Variants in CAB39 observed in about 807,000 individuals in gnomAD.
The protein encoded by CAB39 is calcium-binding protein 39.
In CAB39, 8 loss-of-function variants were observed where a neutral mutation model predicts 40.0. The observed-to-expected ratio is 0.20, with a 90% CI of 0.12 to 0.36. The LOEUF is 0.36. Ranked by LOEUF, CAB39 falls within the 10% of genes least tolerant of loss-of-function variation. The pLI is 1.00. For missense variants in CAB39, 270 were observed against 401.1 expected (o/e 0.67, Z 2.79); for synonymous variants, 156 against 141.6 (o/e 1.10, Z -0.72).
chr2:230,807,484 C>T (rs776106386), intron 5 of CAB39, among the ~76,000 whole-genome samples: 1 of 136,754 alleles, frequency 7.3e-6, no homozygotes, highest in Non-Finnish European at 1.5e-5. Context: ...CGTACTGGGT[C>T]CACCTGCTCC....
intron 1 of CAB39, chr2:230,752,192 A>G (rs1695100957): frequency 6.6e-6 from 1 of 151,884 alleles, no homozygotes; most frequent in African/African-American, 2.4e-5. Context: ...CAGAGAAGAT[A>G]AGCATGGCCC....
intron 5 of CAB39, among the ~76,000 whole-genome samples, chr2:230,804,046 C>T (rs1404992218): frequency 6.6e-6 from 1 of 152,182 alleles, no homozygotes; most frequent in Non-Finnish European, 1.5e-5. Flanking sequence ...GGTACCAAAA[C>T]AGAGATATAG....
chr2:230,789,074 T>C (rs1695846954), intron 2 of CAB39, among the ~76,000 whole-genome samples: 1 of 152,294 alleles, frequency 6.6e-6, no homozygotes, highest in Non-Finnish European at 1.5e-5. Context: ...TGTCCCTTTT[T>C]CCCCCCTAAG....
intron 1 of CAB39, among the ~76,000 whole-genome samples, chr2:230,732,451 T>G (rs935068778): frequency 2.6e-5 from 4 of 152,154 alleles, no homozygotes; most frequent in African/African-American, 7.2e-5. Context: ...TTACTTGGGT[T>G]TTAGGAAACA....
At chr2:230,744,790 A>G (rs1271921291) in intron 1 of CAB39, among the ~76,000 whole-genome samples, 1 of 152,254 alleles carries the variant, frequency 6.6e-6, no homozygotes, top group African/African-American at 2.4e-5. Context: ...CAATAGTAGT[A>G]TGAGTCTCTC....
At chr2:230,753,260 A>T (rs1464401171) in intron 1 of CAB39, among the ~76,000 whole-genome samples, 1 of 152,142 alleles carries the variant, frequency 6.6e-6, no homozygotes, top group Non-Finnish European at 1.5e-5. Context: ...ATTTTATATG[A>T]AAGTAATATG....
intron 2 of CAB39, among the ~76,000 whole-genome samples, chr2:230,773,314 A>ATATGTG (rs371297550): frequency 0.022 from 2,945 of 132,580 alleles, 47 homozygotes; most frequent in East Asian, 0.082. Flanking sequence ...ATATATATAT[A>ATATGTG]TGTGTGTGTG....
intron 5 of CAB39, among the ~76,000 whole-genome samples, chr2:230,808,565 C>A (rs534306438): frequency 6.6e-6 from 1 of 152,210 alleles, no homozygotes; most frequent in Non-Finnish European, 1.5e-5. Context: ...TTACCACTTT[C>A]TTCTTCTCCT....
intron 1 of CAB39, chr2:230,725,298 C>G (rs1694544025): frequency 6.4e-7 from 1 of 1,573,374 alleles, no homozygotes; most frequent in Non-Finnish European, 8.7e-7. Context: ...AAGCCCCTTT[C>G]CTCCAGCTTC....
chr2:230,795,863 A>G (rs983215121), intron 4 of CAB39, among the ~76,000 whole-genome samples: 1 of 152,120 alleles, frequency 6.6e-6, no homozygotes, highest in African/African-American at 2.4e-5. Flanking sequence ...TAGTATAATC[A>G]GTTGATGACC....
intron 2 of CAB39, among the ~76,000 whole-genome samples, chr2:230,789,095 G>C (rs1695847706): frequency 6.6e-6 from 1 of 152,048 alleles, no homozygotes; most frequent in Admixed American, 6.6e-5. Context: ...TTTCATTTTA[G>C]ATAGTTTTTA....
intron 1 of CAB39, among the ~76,000 whole-genome samples, chr2:230,714,377 T>G (rs919466559): frequency 7.2e-5 from 11 of 152,202 alleles, no homozygotes; most frequent in African/African-American, 2.2e-4. Flanking sequence ...TTTTGACAGC[T>G]TCCCAGATAA....
At chr2:230,760,969 C>T (rs957715153) in intron 2 of CAB39, among the ~76,000 whole-genome samples, 4 of 151,390 alleles carry the variant, frequency 2.6e-5, no homozygotes, top group African/African-American at 9.7e-5. Context: ...ACAGGATCTT[C>T]GTGATCTGAT....
At chr2:230,790,831 T>C (rs1488220118) in intron 2 of CAB39, 41 bp from the exon 3 acceptor site, 2 of 1,528,660 alleles carry the variant, frequency 1.3e-6, no homozygotes, top group Admixed American at 2.0e-5. Flanking sequence ...TTAAAATGAA[T>C]TGTTTTTTCT....
chr2:230,725,357 C>G lies in CAB39; in HGVS notation c.-44+12127C>G. 2.5e-6 allele frequency: 4 copies of G among 1,595,666 alleles called. No homozygotes were observed. In the South Asian group the frequency reaches 3.3e-5, roughly 13 times the overall value. On this transcript the variant is annotated intron_variant, in intron 1 of 8. Coordinates refer to ENST00000258418, the MANE Select transcript of CAB39 (RefSeq NM_016289.4). Reference sequence around the variant, plus strand: ...AGCCAGGCTCCCCACTGGCTTCTCCCCCATGGGCTCTGCCACGAAGTCTCG... The same window carrying G: ...AGCCAGGCTCCCCACTGGCTTCTCCGCCATGGGCTCTGCCACGAAGTCTCG...
At chr2:230,761,377 T>G (rs1695287757) in intron 2 of CAB39, among the ~76,000 whole-genome samples, 1 of 152,150 alleles carries the variant, frequency 6.6e-6, no homozygotes, top group Non-Finnish European at 1.5e-5. Context: ...TGTAAGTACT[T>G]AACTGTAAAA....
Position 230,793,317 on chromosome 2 carries a change from C to T in CAB39, c.384C>T (p.Phe128=). The T allele has an allele frequency of 6.4e-7, 1 of 1,566,748 alleles. No individual in the cohort carries two copies. The highest frequency in any genetic ancestry group is 8.8e-7 in the Non-Finnish European group (1 of 1,138,824). The change falls in exon 4 of 9, where the codon TTC becomes TTT. Residue 128 remains phenylalanine, a synonymous_variant. Coordinates refer to ENST00000258418, the MANE Select transcript of CAB39 (RefSeq NM_016289.4). ...EYICTQQNIL[F]MLLKGYESPE... ...TCTGCACCCAACAGAATATTTTGTT[C>T]ATGTTATTGAAAGGGTATGTACAAT...
At chr2:230,748,813 G>GA (rs759314442) in intron 1 of CAB39, among the ~76,000 whole-genome samples, 692 of 31,738 alleles carry the variant, frequency 0.022, 35 homozygotes, top group Non-Finnish European at 0.028. Flanking sequence ...TTTCCAAAAA[G>GA]AAAAAAAAAA....
chr2:230,728,314 C>T (rs867865663), intron 1 of CAB39, among the ~76,000 whole-genome samples: 5 of 151,920 alleles, frequency 3.3e-5, no homozygotes, highest in Middle Eastern at 3.5e-3. Flanking sequence ...AATATAAGAA[C>T]AGCAACCTGG....
Sources: allele counts gnomAD v4.1 joint callset (sites outside exome capture counted in the v4.1 genomes callset), GRCh38; gene constraint gnomAD v4.1.1; transcripts MANE v1.5; gene names NCBI Gene and HGNC (gene_info 2026-07-23, HGNC 2026-07-21).